The following HSPA14 variants were observed in gnomAD, a reference collection of about 807,000 sequenced individuals.
The protein encoded by HSPA14 is heat shock protein family A (Hsp70) member 14.
Under a neutral mutation model 65.5 loss-of-function variants are expected in HSPA14, and 37 were observed. That is an observed-to-expected ratio of 0.56 (90% CI 0.43 to 0.74). The LOEUF is 0.74. Ranked by LOEUF, HSPA14 falls within the 30% of genes least tolerant of loss-of-function variation. The probability of loss-of-function intolerance (pLI) is 0.00; values close to 1 mark genes in which losing one functional copy is unlikely to be tolerated. For synonymous variants in HSPA14, 203 were observed against 214.2 expected (o/e 0.95, Z 0.46); for missense variants, 564 against 607.6 (o/e 0.93, Z 0.75).
chr10:14,862,844 T>G (rs1255359588), intron 10 of HSPA14, among the ~76,000 whole-genome samples: 3 of 151,934 alleles, frequency 2.0e-5, no homozygotes, highest in Non-Finnish European at 2.9e-5. Flanking sequence ...CACACCCACC[T>G]GGATAATTTT....
rs1238308532 is a variant in HSPA14, at chr10:14,842,801, G to C, written c.221+2644G>C. The C allele has an allele frequency of 1.3e-6, 2 of 1,535,620 alleles. No individual in the cohort carries two copies. Among genetic ancestry groups the C allele is most frequent in the Non-Finnish European group, 8.7e-7 (1 of 1,146,924 alleles). On this transcript the variant is annotated intron_variant, in intron 3 of 13. Transcript: ENST00000378372. The surrounding 1 kb of genome is among the most constrained non-coding windows in gnomAD (Gnocchi z 5.2). ...GCTAAGAATCAGTGACCGGATACGA[G>C]AAACCAGTGACCTTGAGGACTCCTG...
chr10:14,839,564 C>T (rs1234316608), intron 1 of HSPA14, among the ~76,000 whole-genome samples: 2 of 149,904 alleles, frequency 1.3e-5, no homozygotes, highest in Non-Finnish European at 3.0e-5. Context: ...GAGCAAGACT[C>T]CGTGTCCAAA....
intron 1 of HSPA14, 27 bp from the exon 2 acceptor site, chr10:14,839,878 C>CT (rs1200550984): frequency 6.4e-7 from 1 of 1,571,744 alleles, no homozygotes; most frequent in Non-Finnish European, 8.7e-7. Flanking sequence ...TCTAATGAGA[C>CT]TATGTATTTC....
At chr10:14,838,590 A>G in intron 1 of HSPA14, 131 bp downstream of exon 1, 1 of 876,650 alleles carries the variant, frequency 1.1e-6, no homozygotes, top group East Asian at 3.0e-5. Flanking sequence ...CCGCGAGGAC[A>G]CTCCGGAGCG....
chr10:14,838,476 C>G lies in HSPA14; in HGVS notation c.57+17C>G, dbSNP rs1446649081. 6.3e-7 allele frequency: 1 copy of G among 1,595,626 alleles called. No individual in the cohort carries two copies. Among genetic ancestry groups the G allele is most frequent in the Admixed American group, 1.7e-5 (1 of 57,918 alleles). On this transcript the variant is annotated intron_variant, in intron 1 of 13. Coordinates refer to ENST00000378372, the MANE Select transcript of HSPA14 (RefSeq NM_016299.4). ...GTCTATAAGGTGAGGGGCTGCGGAG[C>G]TGGGCTAGGGCTTCATGACGGCCAC...
chr10:14,848,630 G>A lies in HSPA14; in HGVS notation c.243G>A (p.Gln81=). The A allele has an allele frequency of 6.2e-7, 1 of 1,611,514 alleles. No individual in the cohort carries two copies. Among genetic ancestry groups the A allele is most frequent in the African/African-American group, 1.3e-5 (1 of 74,958 alleles). Reference sequence around the variant, plus strand: ...ACAGCTCCAGTGATCCACAAGCTCAGAAATACATCGCGGAAAGTAAATGTT... The same window carrying A: ...ACAGCTCCAGTGATCCACAAGCTCAAAAATACATCGCGGAAAGTAAATGTT... ...LGRSSSDPQA[Q]KYIAESKCLV... is the part of the protein sequence containing the mutation. Residue 81 remains glutamine, a synonymous_variant, in exon 4 of 14, where the codon CAG becomes CAA. Transcript: ENST00000378372.
intron 3 of HSPA14, chr10:14,843,408 C>T: frequency 6.4e-7 from 1 of 1,550,906 alleles, no homozygotes; most frequent in Non-Finnish European, 8.7e-7. Flanking sequence ...GCAGCTCCCA[C>T]AGCCTTTTCA....
intron 3 of HSPA14, chr10:14,843,341 T>C: frequency 6.5e-7 from 1 of 1,550,298 alleles, no homozygotes; most frequent in Non-Finnish European, 8.7e-7. Context: ...AGGAATGTTC[T>C]CTTTGCAACA....
At chr10:14,846,821 A>C in intron 3 of HSPA14, 1 of 985,416 alleles carries the variant, frequency 1.0e-6, no homozygotes, top group Non-Finnish European at 1.2e-6. Flanking sequence ...GGGATATTCA[A>C]GTAGGAGGAG....
intron 12 of HSPA14, among the ~76,000 whole-genome samples, chr10:14,870,151 G>A (rs1475603435): frequency 6.6e-6 from 1 of 151,474 alleles, no homozygotes; most frequent in East Asian, 1.9e-4. Context: ...GTACAAAAGA[G>A]TTTGCCATGT....
chr10:14,842,327 C>T lies in HSPA14; in HGVS notation c.221+2170C>T. On this transcript the variant is annotated intron_variant, in intron 3 of 13. Transcript: ENST00000378372. The surrounding 1 kb of genome is among the most constrained non-coding windows in gnomAD (Gnocchi z 5.2). ...CAGTGCGGGCATCCGGTGGTCCAGA[C>T]AGGAGACACGAACTCTTCTCTCCAT... is the stretch of plus-strand genomic sequence containing the variant. 6.5e-7 allele frequency: 1 copy of T among 1,536,090 alleles called. No homozygotes were observed. Among genetic ancestry groups the T allele is most frequent in the Non-Finnish European group, 8.7e-7 (1 of 1,146,882 alleles).
Position 14,838,657 on chromosome 10 carries a change from C to T in HSPA14, c.57+198C>T, listed in dbSNP as rs904238664. The T allele has an allele frequency of 1.0e-4, 55 of 544,390 alleles. No individual in the cohort carries two copies. In the South Asian group the frequency reaches 1.2e-3, roughly 12 times the overall value. 33.7% of individuals were successfully genotyped at this position (544,390 alleles called of 1,614,324 possible). A position where few individuals can be genotyped will look rare whatever the true frequency, so the allele number is the denominator to read the frequency against. On this transcript the variant is annotated intron_variant, in intron 1 of 13. Coordinates refer to ENST00000378372, the MANE Select transcript of HSPA14 (RefSeq NM_016299.4). Reference sequence around the variant, plus strand: ...CGATTCCTCCGGAAAGTCGTCTACTCCGCGGCGGAGGCTCGCGGCGATGTA... The same window carrying T: ...CGATTCCTCCGGAAAGTCGTCTACTTCGCGGCGGAGGCTCGCGGCGATGTA...
rs377076504 is a variant in HSPA14, at chr10:14,848,789, G to C, written c.271-1G>C. 1 of 1,512,354 alleles carries C rather than the reference G, an allele frequency of 6.6e-7. No individual in the cohort carries two copies. Among genetic ancestry groups the C allele is most frequent in the African/African-American group, 1.4e-5 (1 of 71,936 alleles). 93.7% of individuals were successfully genotyped at this position (1,512,354 alleles called of 1,614,324 possible). A position where few individuals can be genotyped will look rare whatever the true frequency, so the allele number is the denominator to read the frequency against. ...TAGCATAATTGTAATTTATTTTATA[G>C]GTCATTGAAAAAAATGGGAAATTAC... On this transcript the variant is annotated splice_acceptor_variant, in intron 4 of 13. Transcript: ENST00000378372. LOFTEE classifies it high-confidence loss of function.
intron 11 of HSPA14, 60 bp from the exon 12 acceptor site, chr10:14,867,676 G>T: frequency 6.8e-7 from 1 of 1,472,958 alleles, no homozygotes; most frequent in Non-Finnish European, 9.2e-7. Context: ...ATAATGGGAA[G>T]TTTTTTTCAA....
At chr10:14,870,919 T>G (rs1358389791) in intron 13 of HSPA14, among the ~76,000 whole-genome samples, 1 of 152,206 alleles carries the variant, frequency 6.6e-6, no homozygotes, top group African/African-American at 2.4e-5. Context: ...GAAACTGATC[T>G]GTGCTCATTT....
At chr10:14,864,544 A>C (rs1324360917) in intron 10 of HSPA14, among the ~76,000 whole-genome samples, 2 of 145,124 alleles carry the variant, frequency 1.4e-5, no homozygotes, top group Non-Finnish European at 3.0e-5. Context: ...AAGTGTTCTC[A>C]TTGTTCAGTT....
chr10:14,856,459 C>A (rs573249330), intron 10 of HSPA14, among the ~76,000 whole-genome samples: 2 of 152,300 alleles, frequency 1.3e-5, no homozygotes, highest in African/African-American at 4.8e-5. Flanking sequence ...GGCTGCTTCC[C>A]GTTCCTTGCT....
chr10:14,844,063 A>T, intron 3 of HSPA14: 1 of 1,432,458 alleles, frequency 7.0e-7, no homozygotes, highest in African/African-American at 1.4e-5. Context: ...AAGATTCTCC[A>T]CCAAATGGAA....
intron 8 of HSPA14, among the ~76,000 whole-genome samples, chr10:14,853,688 C>T (rs908571470): frequency 6.6e-6 from 1 of 152,044 alleles, no homozygotes; most frequent in Admixed American, 6.6e-5. Context: ...TACTAAAATC[C>T]GGAATAAAAT....
Sources: gnomAD v4.1 joint callset for allele counts (sites outside exome capture counted in the v4.1 genomes callset) on GRCh38, gnomAD v4.1.1 for gene constraint, Gnocchi (gnomAD v3.1) non-coding constraint, MANE v1.5 for transcripts, NCBI Gene and HGNC (gene_info 2026-07-23, HGNC 2026-07-21) for gene names.